VOPP1: variants seen among roughly 807,000 people sequenced by gnomAD.
VOPP1 encodes the protein WW domain binding protein VOPP1.
VOPP1 carries 8 observed loss-of-function variants against 23.5 expected under a neutral mutation model. The observed-to-expected ratio is 0.34, with a 90% CI of 0.20 to 0.61. The LOEUF is 0.61. Among genes scored for constraint, VOPP1 ranks in the 20% least tolerant of loss-of-function variants. The pLI, the probability that VOPP1 is intolerant of heterozygous loss-of-function variation, is 0.78. For missense variants in VOPP1, 174 were observed against 238.1 expected, an observed-to-expected ratio of 0.73 and a Z score of 1.77; for synonymous variants, 83 against 97.3, an observed-to-expected ratio of 0.85 and a Z score of 0.86.
intron 3 of VOPP1, among the ~76,000 whole-genome samples, chr7:55,496,230 T>C (rs971304148): frequency 6.6e-6 from 1 of 152,190 alleles, no homozygotes; most frequent in African/African-American, 2.4e-5. Flanking sequence ...CCAAAATCCT[T>C]ACAAGCCCGT....
intron 1 of VOPP1, among the ~76,000 whole-genome samples, chr7:55,570,270 C>T (rs1798304579): frequency 6.6e-6 from 1 of 152,180 alleles, no homozygotes; most frequent in Non-Finnish European, 1.5e-5. Context: ...CTCCTTAACT[C>T]CTCAGAGAGA....
At chr7:55,498,929 G>A (rs746543016) in intron 2 of VOPP1, among the ~76,000 whole-genome samples, 3 of 152,050 alleles carry the variant, frequency 2.0e-5, no homozygotes, top group African/African-American at 4.8e-5. Context: ...TAAACACCCC[G>A]CACCCAACGG....
At chr7:55,510,744 C>T (rs76553121) in intron 2 of VOPP1, among the ~76,000 whole-genome samples, 1,671 of 152,162 alleles carry the variant, frequency 0.011, 11 homozygotes, top group Middle Eastern at 0.021. Context: ...AGGCTTCTCC[C>T]TCTTTTTCCC....
At position 55,472,789 on chromosome 7, in the gene VOPP1, T is replaced by A; in HGVS notation, c.*66A>T. On this transcript the variant is annotated 3_prime_UTR_variant, in exon 5 of 5. Transcript: ENST00000285279. ...ACGAGACCGTTCCTGGAAGTGAACA[T>A]CAACGAAGACAGAAAGGCCAGGGAA... 2.5e-6 allele frequency: 2 copies of A among 789,782 alleles called. No individual in the cohort carries two copies. Among genetic ancestry groups the A allele is most frequent in the Non-Finnish European group, 3.7e-6 (2 of 546,866 alleles). The allele number at this position is 789,782 out of a possible 1,614,324, so 48.9% of individuals were successfully genotyped here.
chr7:55,470,141 G>A (rs1290327961), downstream of VOPP1, among the ~76,000 whole-genome samples: 1 of 152,216 alleles, frequency 6.6e-6, no homozygotes, highest in East Asian at 1.9e-4. Context: ...GGCTGGGGTA[G>A]GAGAATTGCT....
intron 4 of VOPP1, among the ~76,000 whole-genome samples, chr7:55,480,523 TTTATAA>T (rs1792627952): frequency 6.6e-6 from 1 of 152,240 alleles, no homozygotes; most frequent in Non-Finnish European, 1.5e-5. Context: ...CTAACTTAGA[TTTATAA>T]TTATATTTTT....
intron 1 of VOPP1, among the ~76,000 whole-genome samples, chr7:55,529,618 T>G (rs1237737584): frequency 1.3e-5 from 2 of 152,220 alleles, no homozygotes; most frequent in Non-Finnish European, 2.9e-5. Context: ...ATCACCCATT[T>G]TCAAGATATA....
chr7:55,501,244 A>T (rs1794344765), intron 2 of VOPP1, among the ~76,000 whole-genome samples: 1 of 152,160 alleles, frequency 6.6e-6, no homozygotes, highest in Non-Finnish European at 1.5e-5. Flanking sequence ...TAAAGATGCG[A>T]TATGAGGTGA....
At chr7:55,479,905 T>C (rs1283416324) in intron 4 of VOPP1, among the ~76,000 whole-genome samples, 1 of 152,158 alleles carries the variant, frequency 6.6e-6, no homozygotes, top group African/African-American at 2.4e-5. Flanking sequence ...GGAATATATA[T>C]CAAATTGTGC....
At chr7:55,525,012 C>A (rs988177457) in intron 1 of VOPP1, among the ~76,000 whole-genome samples, 2 of 152,020 alleles carry the variant, frequency 1.3e-5, no homozygotes, top group Admixed American at 6.5e-5. Context: ...GCCTCACAAG[C>A]AAGCGGGAAG....
intron 4 of VOPP1, among the ~76,000 whole-genome samples, chr7:55,486,085 C>A (rs1327323576): frequency 6.6e-6 from 1 of 152,206 alleles, no homozygotes; most frequent in Non-Finnish European, 1.5e-5. Flanking sequence ...CACGACGGGC[C>A]AGAGGCTCCG....
At chr7:55,451,694 G>A (rs1791248286) in intron 4 of VOPP1, among the ~76,000 whole-genome samples, 1 of 152,204 alleles carries the variant, frequency 6.6e-6, no homozygotes, top group Non-Finnish European at 1.5e-5. Flanking sequence ...AGGAGGCTGA[G>A]GTAGGAGAAT....
downstream of VOPP1, among the ~76,000 whole-genome samples, chr7:55,469,556 C>T (rs1331787288): frequency 6.6e-6 from 1 of 152,218 alleles, no homozygotes; most frequent in African/African-American, 2.4e-5. Flanking sequence ...TGCCTGAGAA[C>T]AGCACTTTGA....
intron 4 of VOPP1, among the ~76,000 whole-genome samples, chr7:55,459,624 C>T (rs1791449384): frequency 6.6e-6 from 1 of 151,986 alleles, no homozygotes; most frequent in South Asian, 2.1e-4. Context: ...CAGGAATTTA[C>T]CCATTTCCTC....
At chr7:55,443,476 C>T (rs973859395) in intron 4 of VOPP1, among the ~76,000 whole-genome samples, 8 of 152,044 alleles carry the variant, frequency 5.3e-5, no homozygotes, top group African/African-American at 1.2e-4. Flanking sequence ...ATGGCATGAA[C>T]GCAGGAGGCA....
chr7:55,535,297 T>C (rs977011450), intron 1 of VOPP1, among the ~76,000 whole-genome samples: 1 of 152,218 alleles, frequency 6.6e-6, no homozygotes, highest in Non-Finnish European at 1.5e-5. Context: ...TTCTTCTGAA[T>C]GCAATTTTAT....
intron 2 of VOPP1, 96 bp from the exon 3 acceptor site, chr7:55,497,786 A>C: frequency 9.3e-7 from 1 of 1,074,176 alleles, no homozygotes; most frequent in Admixed American, 1.8e-5. Flanking sequence ...ATCATTCTTG[A>C]AGGAAGAAAT....
At chr7:55,506,072 G>A (rs1181129870) in intron 2 of VOPP1, among the ~76,000 whole-genome samples, 1 of 152,138 alleles carries the variant, frequency 6.6e-6, no homozygotes, top group African/African-American at 2.4e-5. Context: ...GCCTTCGAGA[G>A]GTCCCCATTG....
At chr7:55,525,184 C>A (rs1460790773) in intron 1 of VOPP1, among the ~76,000 whole-genome samples, 1 of 152,128 alleles carries the variant, frequency 6.6e-6, no homozygotes. Flanking sequence ...TCTCACTCTC[C>A]TCGTTTGTAA....
Sources: gnomAD v4.1 joint callset for allele counts (sites outside exome capture counted in the v4.1 genomes callset) on GRCh38, gnomAD v4.1.1 for gene constraint, MANE v1.5 for transcripts, NCBI Gene and HGNC (gene_info 2026-07-23, HGNC 2026-07-21) for gene names.